Variants in ZNF577 observed in about 807,000 individuals in gnomAD.
ZNF577 encodes the protein zinc finger protein 577.
A neutral mutation model predicts 13.9 loss-of-function variants in ZNF577; 14 were observed. The ratio of observed to expected loss-of-function variants is 1.00; its 90% CI spans 0.66 to 1.57. ZNF577 has a LOEUF of 1.57. Ranked by LOEUF, ZNF577 falls within the 40% of genes most tolerant of loss-of-function variation. The pLI is 0.00. For synonymous variants in ZNF577, 203 were observed against 202.9 expected (o/e 1.00, Z 0.00); for missense variants, 555 against 579.2 (o/e 0.96, Z 0.43).
chr19:51,819,590 T>C (rs1210185574), intron 9 of ZNF577, among the ~76,000 whole-genome samples: 1 of 152,180 alleles, frequency 6.6e-6, no homozygotes, highest in East Asian at 1.9e-4. Flanking sequence ...CCACTGGATT[T>C]GGCAGTCTGG....
intron 5 of ZNF577, among the ~76,000 whole-genome samples, chr19:51,857,390 G>GAAAGAAAGAA (rs2084440486): frequency 1.7e-5 from 2 of 116,616 alleles, no homozygotes; most frequent in African/African-American, 8.1e-5. Context: ...AAGAAAGAAA[G>GAAAGAAAGAA]AAAGAAAGAA....
chr19:51,824,520 G>A lies in ZNF577; in HGVS notation c.*600-12846C>T, dbSNP rs779072888. On this transcript the variant is annotated intron_variant and NMD_transcript_variant, in intron 9 of 10. Coordinates refer to the ZNF577 transcript ENST00000638827. This position sits in a 1 kb window ranked among gnomAD's most constrained non-coding sequence, Gnocchi z 4.7. ...TTTCTTCATCTGTTGGTTCCCTTAT[G>A]AACTAATTGGCATTCTAATGGCAGT... 11 of 1,614,058 alleles carry A rather than the reference G, an allele frequency of 6.8e-6. No individual in the cohort carries two copies. The highest frequency in any genetic ancestry group is 9.3e-6 in the Non-Finnish European group (11 of 1,179,964).
rs1303313755 is a variant in ZNF577 at position 51,870,687 on chromosome 19, T to A, written c.*1845A>T. Among the ~76,000 whole-genome samples the A allele has an allele frequency of 6.6e-6, 1 of 152,206 alleles. No homozygotes were observed. ...GGAAACTCTACAGAACTCTCAATTC[T>A]TGAGTGCAGCTCTTCTCCAATAATC... On this transcript the variant is annotated 3_prime_UTR_variant, in exon 6 of 6. Coordinates refer to ENST00000638348, the MANE Select transcript of ZNF577 (RefSeq NM_001370449.1).
At chr19:51,849,518 A>G (rs1441760082) in intron 5 of ZNF577, among the ~76,000 whole-genome samples, 1 of 152,206 alleles carries the variant, frequency 6.6e-6, no homozygotes, top group Non-Finnish European at 1.5e-5. Flanking sequence ...ACAGCAAGAA[A>G]TCTTCACCAG....
intron 1 of ZNF577, among the ~76,000 whole-genome samples, chr19:51,885,232 C>T (rs11878580): frequency 0.22 from 32,754 of 152,066 alleles, 4,246 homozygotes; most frequent in South Asian, 0.41. Flanking sequence ...CATTTGTTTA[C>T]ACATTCTGTA....
chr19:51,863,786 C>T (rs1239799528), downstream of ZNF577, among the ~76,000 whole-genome samples: 1 of 152,134 alleles, frequency 6.6e-6, no homozygotes, highest in Non-Finnish European at 1.5e-5. Context: ...AAGAGATAAA[C>T]AGTGTAATAT....
In ZNF577 at chr19:51,808,801, C is replaced by T. The variant is rs539467764; in HGVS notation, c.*817+2656G>A. 3.9e-5 allele frequency among the ~76,000 whole-genome samples: 6 copies of T among 152,270 alleles called. No homozygotes were observed. In the South Asian group the frequency reaches 1.2e-3, roughly 32 times the overall value. ...AAATCATGTAGTAGTCGCCATCTTC[C>T]GGACTTTTTTGGAAAAACAAACACT... On this transcript the variant is annotated intron_variant and NMD_transcript_variant, in intron 10 of 10. Transcript: ENST00000638827.
chr19:51,885,838 T>C (rs1391599174), intron 1 of ZNF577, among the ~76,000 whole-genome samples: 1 of 152,150 alleles, frequency 6.6e-6, no homozygotes, highest in Non-Finnish European at 1.5e-5. Context: ...CCAAAAGACA[T>C]GTAGAAAAAC....
At chr19:51,847,456 A>T (rs1297052785) in intron 5 of ZNF577, among the ~76,000 whole-genome samples, 1 of 151,632 alleles carries the variant, frequency 6.6e-6, no homozygotes, top group East Asian at 1.9e-4. Flanking sequence ...CCCTCCAAAT[A>T]CTCAAACTTG....
rs1055408 is a variant in ZNF577, at chr19:51,872,171, C to T, written c.*361G>A. 0.46 allele frequency: 75,135 copies of T among 162,694 alleles called. 18,643 individuals are homozygous for T. Among genetic ancestry groups the T allele is most frequent in the African/African-American group, 0.64 (26,769 of 41,684 alleles). 10.1% of individuals were successfully genotyped at this position (162,694 alleles called of 1,614,324 possible). ...TACTTTCAAGAGTTTTTCTTTTCTA[C>T]AAATTCTCCCATATTTTACGAAAAA... On this transcript the variant is annotated 3_prime_UTR_variant, in exon 6 of 6. Coordinates refer to ENST00000638348, the MANE Select transcript of ZNF577 (RefSeq NM_001370449.1).
At chr19:51,878,277 CA>C in intron 4 of ZNF577, 111 bp downstream of exon 4, 1 of 1,221,340 alleles carries the variant, frequency 8.2e-7, no homozygotes, top group Non-Finnish European at 1.1e-6. Context: ...ACCACCACAA[CA>C]AAAAATCTAT....
At chr19:51,817,321 C>T (rs145962621) in intron 9 of ZNF577, among the ~76,000 whole-genome samples, 2 of 152,248 alleles carry the variant, frequency 1.3e-5, no homozygotes, top group Admixed American at 6.5e-5. Flanking sequence ...AATAGAGTCA[C>T]TCATACTAAA....
At chr19:51,822,961 C>G (rs1416994825) in intron 9 of ZNF577, among the ~76,000 whole-genome samples, 1 of 152,106 alleles carries the variant, frequency 6.6e-6, no homozygotes, top group East Asian at 1.9e-4. Flanking sequence ...CTCCCAGGTT[C>G]AAGCAATTCT....
intron 5 of ZNF577, among the ~76,000 whole-genome samples, chr19:51,858,788 A>G (rs577903457): frequency 3.0e-4 from 46 of 152,330 alleles, no homozygotes; most frequent in African/African-American, 1.1e-3. Flanking sequence ...AAAAAAGTCC[A>G]TATTTGAAGT....
At chr19:51,858,695 A>T (rs1490659745) in intron 5 of ZNF577, among the ~76,000 whole-genome samples, 3 of 145,204 alleles carry the variant, frequency 2.1e-5, no homozygotes, top group African/African-American at 8.6e-5. Context: ...CATGGAGGTA[A>T]AAAAAAACCT....
intron 9 of ZNF577, among the ~76,000 whole-genome samples, chr19:51,815,429 G>A (rs887574735): frequency 2.6e-5 from 4 of 151,794 alleles, no homozygotes; most frequent in African/African-American, 7.3e-5. Flanking sequence ...GCATGGTGAT[G>A]TGCGCCTGTA....
At chr19:51,823,932 A>G in intron 9 of ZNF577, 1 of 1,614,024 alleles carries the variant, frequency 6.2e-7, no homozygotes, top group Non-Finnish European at 8.5e-7. Flanking sequence ...AGTCAACACC[A>G]TCTGTTACCT....
intron 5 of ZNF577, among the ~76,000 whole-genome samples, chr19:51,845,922 A>G (rs2084349041): frequency 6.6e-6 from 1 of 152,238 alleles, no homozygotes; most frequent in African/African-American, 2.4e-5. Flanking sequence ...TAACACTGCA[A>G]TGAACATGGG....
chr19:51,882,017 T>C (rs1212968607), intron 1 of ZNF577, among the ~76,000 whole-genome samples: 2 of 152,160 alleles, frequency 1.3e-5, no homozygotes, highest in Non-Finnish European at 2.9e-5. Context: ...GTAAACGCAC[T>C]GGTCAAGATG....
Sources: gnomAD v4.1 joint callset for allele counts (sites outside exome capture counted in the v4.1 genomes callset) on GRCh38, gnomAD v4.1.1 for gene constraint, Gnocchi (gnomAD v3.1) non-coding constraint, MANE v1.5 for transcripts, NCBI Gene and HGNC (gene_info 2026-07-23, HGNC 2026-07-21) for gene names.